The following PLCL2 variants were observed in gnomAD, a reference collection of about 807,000 sequenced individuals.
PLCL2 encodes the protein phospholipase C like 2, also known as inactive phospholipase C-like protein 2.
A neutral mutation model predicts 79.6 loss-of-function variants in PLCL2; 4 were observed. The ratio of observed to expected loss-of-function variants is 0.05; its 90% CI spans 0.02 to 0.11. The LOEUF is 0.11. PLCL2 is among the 10% of genes least tolerant of loss of function. The pLI, the probability that PLCL2 is intolerant of heterozygous loss-of-function variation, is 1.00. For synonymous variants in PLCL2, 484 were observed against 457.7 expected, an observed-to-expected ratio of 1.06 and a Z score of -0.73; for missense variants, 895 against 1,291.0, an observed-to-expected ratio of 0.69 and a Z score of 4.70.
At chr3:17,066,594 T>C (rs575524785) in intron 4 of PLCL2, among the ~76,000 whole-genome samples, 1 of 152,216 alleles carries the variant, frequency 6.6e-6, no homozygotes, top group African/African-American at 2.4e-5. Context: ...AGTTCTAAAT[T>C]ATATGTAATA....
At chr3:17,032,605 T>C (rs189249927) in intron 3 of PLCL2, among the ~76,000 whole-genome samples, 1 of 152,200 alleles carries the variant, frequency 6.6e-6, no homozygotes, top group Admixed American at 6.5e-5. Context: ...ACTAAGGACT[T>C]CTAGTGGCTA....
chr3:17,038,217 T>G (rs1157961534), intron 3 of PLCL2, among the ~76,000 whole-genome samples: 1 of 152,174 alleles, frequency 6.6e-6, no homozygotes, highest in Non-Finnish European at 1.5e-5. Flanking sequence ...GTTCCAGAAA[T>G]GTAGGAGGTA....
At chr3:16,962,419 C>T (rs969524314) in intron 1 of PLCL2, among the ~76,000 whole-genome samples, 1 of 127,146 alleles carries the variant, frequency 7.9e-6, no homozygotes, top group Admixed American at 7.9e-5. Context: ...CATCCAGGAG[C>T]TTTCTTTTTT....
In PLCL2 at chr3:17,010,371, C is replaced by T. The variant is rs553362661; in HGVS notation, c.1025C>T (p.Pro342Leu). The T allele has an allele frequency of 6.2e-6, 10 of 1,613,782 alleles. No individual in the cohort carries two copies. Among genetic ancestry groups the T allele is most frequent in the Non-Finnish European group, 7.6e-6 (9 of 1,179,908 alleles). The stretch of plus-strand genomic sequence containing the variant: ...GTTTTTCATGAGCTTTGTACTAGAC[C>T]TGAAATTTATTTCCTTTTAGTTCAG... ...IEVFHELCTR[P>L]EIYFLLVQFS... Residue 342 changes from proline (P) to leucine (L), a missense_variant, in exon 2 of 6, where the codon CCT becomes CTT. By Grantham distance (98) the Pro-to-Leu change is moderately conservative. Transcript: ENST00000615277. The surrounding 1 kb of genome is among the most constrained non-coding windows in gnomAD (Gnocchi z 5.8).
At chr3:17,029,297 C>T (rs553305253) in intron 3 of PLCL2, among the ~76,000 whole-genome samples, 14 of 151,808 alleles carry the variant, frequency 9.2e-5, no homozygotes, top group Non-Finnish European at 1.9e-4. Context: ...ATCAGAGGAT[C>T]CTTTATCCTA....
At chr3:16,957,170 C>T (rs1042528000) in intron 1 of PLCL2, among the ~76,000 whole-genome samples, 1 of 151,980 alleles carries the variant, frequency 6.6e-6, no homozygotes, top group Non-Finnish European at 1.5e-5. Flanking sequence ...GCATTTAGTG[C>T]TATAAATTTC....
chr3:16,970,118 A>G (rs1380756154), intron 1 of PLCL2, among the ~76,000 whole-genome samples: 1 of 151,150 alleles, frequency 6.6e-6, no homozygotes, highest in Non-Finnish European at 1.5e-5. Flanking sequence ...TGTGCAGCTT[A>G]GTTACATATG....
At chr3:16,962,200 G>A (rs1221490946) in intron 1 of PLCL2, among the ~76,000 whole-genome samples, 2 of 152,210 alleles carry the variant, frequency 1.3e-5, no homozygotes, top group African/African-American at 4.8e-5. Flanking sequence ...GGATATTAGA[G>A]AACAGGTTAT....
intron 3 of PLCL2, 113 bp downstream of exon 3, chr3:17,015,024 A>C: frequency 1.3e-6 from 1 of 772,856 alleles, no homozygotes; most frequent in East Asian, 2.5e-5. Context: ...TTCATGCTTC[A>C]TTCACCTATG....
At position 17,014,877 on chromosome 3, in the gene PLCL2, A is replaced by G; in HGVS notation, c.2984A>G (p.Glu995Gly). 1 of 1,614,130 alleles carries G rather than the reference A, an allele frequency of 6.2e-7. No individual in the cohort carries two copies. The highest frequency in any genetic ancestry group is 8.5e-7 in the Non-Finnish European group (1 of 1,179,986). Residue 995 changes from glutamate (E) to glycine (G), a missense_variant, in exon 3 of 6, where the codon GAG becomes GGG. Glu to Gly is a moderately conservative substitution (Grantham distance 98). Coordinates refer to ENST00000615277, the MANE Select transcript of PLCL2 (RefSeq NM_001144382.2). ...PTMELQGIVP[E>G]VLKKIVTTYD... Reference sequence around the variant, plus strand: ...ATGGAGCTGCAGGGAATTGTGCCGGAGGTTCTGAAGAAGATCGTAACAACT... The same window carrying G: ...ATGGAGCTGCAGGGAATTGTGCCGGGGGTTCTGAAGAAGATCGTAACAACT...
chr3:16,890,877 G>A (rs932260919), intron 1 of PLCL2, among the ~76,000 whole-genome samples: 5 of 152,060 alleles, frequency 3.3e-5, no homozygotes, highest in African/African-American at 1.2e-4. Context: ...ATAGCTTTAG[G>A]GTGCCCAAAG....
chr3:16,914,760 A>G (rs1026230479), intron 1 of PLCL2, among the ~76,000 whole-genome samples: 1 of 152,134 alleles, frequency 6.6e-6, no homozygotes, highest in Admixed American at 6.5e-5. Context: ...TTTTAGAGAC[A>G]GGGTCTCACT....
At chr3:16,894,354 T>C (rs1696419961) in intron 1 of PLCL2, among the ~76,000 whole-genome samples, 1 of 152,194 alleles carries the variant, frequency 6.6e-6, no homozygotes, top group Admixed American at 6.5e-5. Flanking sequence ...GTGGAGTATT[T>C]GATGATTTGT....
At chr3:17,037,555 A>C (rs755614889) in intron 3 of PLCL2, among the ~76,000 whole-genome samples, 1 of 152,220 alleles carries the variant, frequency 6.6e-6, no homozygotes, top group Non-Finnish European at 1.5e-5. Flanking sequence ...CTACAACAGA[A>C]GATGCAGTAG....
At chr3:17,062,017 G>A (rs2064958047) in intron 4 of PLCL2, among the ~76,000 whole-genome samples, 1 of 152,112 alleles carries the variant, frequency 6.6e-6, no homozygotes, top group Non-Finnish European at 1.5e-5. Context: ...TAACATTCCA[G>A]AAGAAAAATA....
intron 1 of PLCL2, among the ~76,000 whole-genome samples, chr3:16,903,831 A>G (rs547744497): frequency 6.6e-6 from 1 of 152,356 alleles, no homozygotes; most frequent in African/African-American, 2.4e-5. Flanking sequence ...GGTATCATAC[A>G]CACTCAAGGT....
chr3:16,891,386 T>C (rs1004095343), intron 1 of PLCL2, among the ~76,000 whole-genome samples: 1 of 152,254 alleles, frequency 6.6e-6, no homozygotes, highest in Non-Finnish European at 1.5e-5. Flanking sequence ...TGATTTTTAG[T>C]TGAGCAGACT....
intron 3 of PLCL2, among the ~76,000 whole-genome samples, chr3:17,016,578 T>C (rs555744125): frequency 6.6e-6 from 1 of 152,208 alleles, no homozygotes; most frequent in South Asian, 2.1e-4. Context: ...CGGGGAGCCA[T>C]CAAGTCCACC....
Position 16,891,957 on chromosome 3 carries a change from C to G in PLCL2, c.327+6591C>G, listed in dbSNP as rs373529816. ...CTCTGTCTTCCAGCCACCACTCTCC[C>G]TGTATCTCCATACAGTCCTTCTGCC... On this transcript the variant is annotated intron_variant, in intron 1 of 5. Transcript: ENST00000615277. Among the ~76,000 whole-genome samples the G allele has an allele frequency of 5.3e-5, 8 of 152,352 alleles. No individual in the cohort carries two copies. The East Asian group carries it at 7.7e-4, about 15-fold the overall frequency.
Sources: gnomAD v4.1 joint callset for allele counts (sites outside exome capture counted in the v4.1 genomes callset) on GRCh38, gnomAD v4.1.1 for gene constraint, Gnocchi (gnomAD v3.1) non-coding constraint, MANE v1.5 for transcripts, NCBI Gene and HGNC (gene_info 2026-07-23, HGNC 2026-07-21) for gene names.